AGMO: variants seen among roughly 807,000 people sequenced by gnomAD.
The protein encoded by AGMO is alkylglycerol monooxygenase.
AGMO carries 75 observed loss-of-function variants against 60.2 expected under a neutral mutation model. The ratio of observed to expected loss-of-function variants is 1.25; its 90% CI spans 1.03 to 1.51. The LOEUF (loss-of-function observed/expected upper bound fraction) is 1.51, where lower values mean the gene tolerates loss of function less well. AGMO is among the 40% of genes most tolerant of loss of function. The probability of loss-of-function intolerance (pLI) is 0.00; values close to 1 mark genes in which losing one functional copy is unlikely to be tolerated. For synonymous variants in AGMO, 261 were observed against 177.1 expected, an observed-to-expected ratio of 1.47 and a Z score of -3.76; for missense variants, 763 against 525.5, an observed-to-expected ratio of 1.45 and a Z score of -4.42.
intron 3 of AGMO, among the ~76,000 whole-genome samples, chr7:15,477,162 T>C (rs1782617109): frequency 6.6e-6 from 1 of 152,100 alleles, no homozygotes; most frequent in Admixed American, 6.6e-5. Flanking sequence ...TTCTCAAAAT[T>C]GCTCTACGTG....
At chr7:15,268,724 T>C (rs552089255) in intron 12 of AGMO, among the ~76,000 whole-genome samples, 10 of 152,076 alleles carry the variant, frequency 6.6e-5, no homozygotes, top group African/African-American at 2.4e-5. Flanking sequence ...GTAATATTAA[T>C]ATATGATCTG....
chr7:15,222,050 A>C (rs918106399), intron 12 of AGMO, among the ~76,000 whole-genome samples: 5 of 152,292 alleles, frequency 3.3e-5, no homozygotes, highest in African/African-American at 1.2e-4. Flanking sequence ...ATAATCGTGC[A>C]GTTTTCCTTT....
chr7:15,203,507 G>GT (rs1388916088), intron 12 of AGMO, among the ~76,000 whole-genome samples: 117 of 140,332 alleles, frequency 8.3e-4, no homozygotes, highest in South Asian at 2.9e-3. Context: ...CTTTTTTTTT[G>GT]TTTTTTTTTT....
At chr7:15,283,785 C>T (rs1784030257) in intron 12 of AGMO, among the ~76,000 whole-genome samples, 2 of 151,918 alleles carry the variant, frequency 1.3e-5, no homozygotes. Context: ...TACATTCTTT[C>T]ACCAGTACAT....
chr7:15,318,416 G>C (rs1235883525), intron 12 of AGMO, among the ~76,000 whole-genome samples: 1 of 152,120 alleles, frequency 6.6e-6, no homozygotes, highest in Admixed American at 6.5e-5. Context: ...CTTGAATACA[G>C]TGTATCACTC....
At chr7:15,490,071 C>T (rs1019568355) in intron 3 of AGMO, among the ~76,000 whole-genome samples, 1 of 152,112 alleles carries the variant, frequency 6.6e-6, no homozygotes, top group Non-Finnish European at 1.5e-5. Context: ...GATATTATAA[C>T]AAAATCTTGG....
chr7:15,390,700 T>C lies in AGMO; in HGVS notation c.793A>G (p.Ile265Val). 2 of 1,610,012 alleles carry C rather than the reference T, an allele frequency of 1.2e-6. No homozygotes were observed. The highest frequency in any genetic ancestry group is 1.7e-6 in the Non-Finnish European group (2 of 1,177,396). ...EKVVYGLTHP[I>V]NTFEPIKVQF... ...ACTTTGATTGGTTCAAATGTATTAA[T>C]GGGATGTGTTAAGCCATATACAACT... The change falls in exon 8 of 13, where the codon ATT becomes GTT. Residue 265 changes from isoleucine (I) to valine (V), a missense_variant. Coordinates refer to ENST00000342526, the MANE Select transcript of AGMO (RefSeq NM_001004320.2).
rs1159830171 is a variant in AGMO, at chr7:15,422,354, G to A, written c.514-3701C>T. Reference sequence around the variant, plus strand: ...GCCAGTTGAAAGGAAGAGGGAAAATGCCAAGAGTATTTGATAGCACAAAGT... The same window carrying A: ...GCCAGTTGAAAGGAAGAGGGAAAATACCAAGAGTATTTGATAGCACAAAGT... On this transcript the variant is annotated intron_variant, in intron 4 of 12. Coordinates refer to ENST00000342526, the MANE Select transcript of AGMO (RefSeq NM_001004320.2). Among the ~76,000 whole-genome samples the A allele has an allele frequency of 2.0e-5, 3 of 151,766 alleles. No homozygotes were observed. In the East Asian group the frequency reaches 5.8e-4, roughly 29 times the overall value.
chr7:15,387,003 G>A (rs1783941729), intron 9 of AGMO, among the ~76,000 whole-genome samples: 1 of 152,046 alleles, frequency 6.6e-6, no homozygotes, highest in Admixed American at 6.5e-5. Flanking sequence ...CTGTTCTGGG[G>A]GCCTCAGTTT....
At chr7:15,488,787 A>G (rs146432392) in intron 3 of AGMO, among the ~76,000 whole-genome samples, 1,656 of 152,238 alleles carry the variant, frequency 0.011, 29 homozygotes, top group African/African-American at 0.037. Context: ...GCTTAGTTAC[A>G]TAAGGGCACA....
chr7:15,529,542 T>TTC (rs1784221726), intron 3 of AGMO, among the ~76,000 whole-genome samples: 1 of 93,740 alleles, frequency 1.1e-5, no homozygotes, highest in African/African-American at 4.0e-5. Context: ...TATATATATA[T>TTC]TCTATATATA....
At chr7:15,341,771 C>T (rs1482715687) in intron 12 of AGMO, among the ~76,000 whole-genome samples, 3 of 152,014 alleles carry the variant, frequency 2.0e-5, no homozygotes, top group Non-Finnish European at 4.4e-5. Flanking sequence ...ACTGGGGAGG[C>T]CTCACAATCA....
the AGMO span, among the ~76,000 whole-genome samples, chr7:15,130,552 A>G: frequency 2.6e-5 from 4 of 152,150 alleles, no homozygotes; most frequent in Non-Finnish European, 5.9e-5. Flanking sequence ...ATTGCTATAA[A>G]ATGTGGCAAA....
chr7:15,244,853 C>A (rs1782695734), intron 12 of AGMO, among the ~76,000 whole-genome samples: 1 of 152,096 alleles, frequency 6.6e-6, no homozygotes, highest in Admixed American at 6.5e-5. Flanking sequence ...AGCGTTTCAC[C>A]ATGTTACTCA....
At chr7:15,344,172 A>G (rs1193629409) in intron 12 of AGMO, among the ~76,000 whole-genome samples, 1 of 152,184 alleles carries the variant, frequency 6.6e-6, no homozygotes, top group East Asian at 1.9e-4. Context: ...AAGCATCTAA[A>G]CAATGTATGG....
chr7:15,231,421 C>G (rs1782255639), intron 12 of AGMO, among the ~76,000 whole-genome samples: 1 of 152,180 alleles, frequency 6.6e-6, no homozygotes, highest in Non-Finnish European at 1.5e-5. Flanking sequence ...TATCTCAAAG[C>G]ATAGATCAAA....
At chr7:15,369,321 T>C (rs141299599) in intron 10 of AGMO, among the ~76,000 whole-genome samples, 105 of 152,172 alleles carry the variant, frequency 6.9e-4, no homozygotes, top group South Asian at 2.1e-3. Context: ...ATGTCACACA[T>C]GTTCTAAACC....
intron 10 of AGMO, among the ~76,000 whole-genome samples, chr7:15,383,856 T>TA (rs1193405625): frequency 1.3e-5 from 2 of 152,194 alleles, no homozygotes; most frequent in African/African-American, 2.4e-5. Flanking sequence ...TATCTGAAGA[T>TA]AACATCTCTT....
At chr7:15,240,491 G>A (rs781073895) in intron 12 of AGMO, among the ~76,000 whole-genome samples, 10 of 152,026 alleles carry the variant, frequency 6.6e-5, no homozygotes, top group Non-Finnish European at 1.0e-4. Context: ...TTTCATACAC[G>A]TAGGCTGCCA....
Sources: gnomAD v4.1 joint callset for allele counts (sites outside exome capture counted in the v4.1 genomes callset) on GRCh38, gnomAD v4.1.1 for gene constraint, MANE v1.5 for transcripts, NCBI Gene and HGNC (gene_info 2026-07-23, HGNC 2026-07-21) for gene names.